Variants in DAB1 observed in about 807,000 individuals in gnomAD.
The protein encoded by DAB1 is disabled homolog 1.
Under a neutral mutation model 64.6 loss-of-function variants are expected in DAB1, and 15 were observed. The observed-to-expected ratio is 0.23, with a 90% confidence interval of 0.16 to 0.36. The LOEUF (loss-of-function observed/expected upper bound fraction) is 0.36, where lower values mean the gene tolerates loss of function less well. Among genes scored for constraint, DAB1 ranks in the 10% least tolerant of loss-of-function variants. The pLI is 1.00. For missense variants in DAB1, 596 were observed against 706.7 expected (o/e 0.84, Z 1.78); for synonymous variants, 235 against 251.9 (o/e 0.93, Z 0.64).
intron 5 of DAB1, among the ~76,000 whole-genome samples, chr1:58,125,845 T>A (rs114636174): frequency 0.018 from 2,713 of 152,116 alleles, 65 homozygotes; most frequent in African/African-American, 0.061. Context: ...ACCAGAAAGG[T>A]AAAGAAATAC....
chr1:57,320,334 T>C (rs1405043157), intron 1 of DAB1, among the ~76,000 whole-genome samples: 2 of 152,206 alleles, frequency 1.3e-5, no homozygotes, highest in Non-Finnish European at 2.9e-5. Flanking sequence ...TTTACAGCAG[T>C]GTGAAAACTG....
chr1:57,120,351 G>C (rs1160756917), intron 4 of DAB1, among the ~76,000 whole-genome samples: 1 of 152,170 alleles, frequency 6.6e-6, no homozygotes, highest in Non-Finnish European at 1.5e-5. Flanking sequence ...GTTTAGTACT[G>C]TGAACACACC....
At chr1:57,618,310 A>T (rs1645813827) in intron 7 of DAB1, among the ~76,000 whole-genome samples, 1 of 151,340 alleles carries the variant, frequency 6.6e-6, no homozygotes, top group African/African-American at 2.4e-5. Flanking sequence ...AGCTACTTGG[A>T]AGTCTGAGGC....
chr1:58,276,605 G>C (rs189152428), intron 4 of DAB1, among the ~76,000 whole-genome samples: 68 of 152,322 alleles, frequency 4.5e-4, no homozygotes, highest in African/African-American at 1.6e-3. Flanking sequence ...GGCTGATGAG[G>C]CTGGAGAGAG....
chr1:57,660,428 C>G (rs183417658), intron 6 of DAB1, among the ~76,000 whole-genome samples: 1 of 152,202 alleles, frequency 6.6e-6, no homozygotes, highest in East Asian at 1.9e-4. Context: ...ACCACTAGCA[C>G]TTACGGAACT....
chr1:57,813,072 T>G (rs565863347), intron 6 of DAB1, among the ~76,000 whole-genome samples: 9 of 152,228 alleles, frequency 5.9e-5, no homozygotes, highest in African/African-American at 2.4e-5. Flanking sequence ...AACATACGTA[T>G]GTATATCATA....
intron 3 of DAB1, among the ~76,000 whole-genome samples, chr1:58,485,228 T>TTAAAAAA (rs533975015): frequency 2.4e-5 from 1 of 42,036 alleles, no homozygotes; most frequent in Admixed American, 3.4e-4. Flanking sequence ...AGTCTACTAC[T>TTAAAAAA]AAAAAAAAAA....
intron 7 of DAB1, among the ~76,000 whole-genome samples, chr1:57,495,335 AC>A (rs1644217747): frequency 6.6e-6 from 1 of 152,194 alleles, no homozygotes; most frequent in Non-Finnish European, 1.5e-5. Context: ...TTTGTTTCCT[AC>A]TTAGTAAGAA....
intron 4 of DAB1, among the ~76,000 whole-genome samples, chr1:58,235,235 A>G (rs1485298538): frequency 6.6e-6 from 1 of 152,228 alleles, no homozygotes; most frequent in African/African-American, 2.4e-5. Flanking sequence ...AGGAAGTCTG[A>G]TTATTCTCAT....
chr1:57,606,190 G>GTCTTTTTTTT (rs1428158205), intron 7 of DAB1: 1 of 253,120 alleles, frequency 4.0e-6, no homozygotes, highest in Non-Finnish European at 7.9e-6. Flanking sequence ...TGTTTTTCCG[G>GTCTTTTTTTT]TATTTTTAAA....
chr1:57,032,953 A>T (rs1344977863), intron 9 of DAB1, among the ~76,000 whole-genome samples: 1 of 152,144 alleles, frequency 6.6e-6, no homozygotes, highest in South Asian at 2.1e-4. Context: ...CTACTATATC[A>T]TGTTATACTA....
chr1:58,233,897 A>G lies in DAB1; in HGVS notation n.310-83309T>C, dbSNP rs182651433. Reference sequence around the variant, plus strand: ...GTATGAACGCCTGAGTGAAAGAAAGACCTAAACTTAAATTATTCCAGAACG... The same window carrying G: ...GTATGAACGCCTGAGTGAAAGAAAGGCCTAAACTTAAATTATTCCAGAACG... On this transcript the variant is annotated intron_variant and non_coding_transcript_variant, in intron 4 of 20. Coordinates refer to the DAB1 transcript ENST00000485760. Among the ~76,000 whole-genome samples, 57 of 152,290 alleles carry G rather than the reference A, an allele frequency of 3.7e-4. 2 individuals carry two copies. The East Asian group carries it at 0.011, about 29-fold the overall frequency.
chr1:57,537,965 T>C (rs1212770988), intron 7 of DAB1, among the ~76,000 whole-genome samples: 1 of 152,090 alleles, frequency 6.6e-6, no homozygotes, highest in South Asian at 2.1e-4. Flanking sequence ...AGGCTTTTTT[T>C]AACAACCAGC....
chr1:57,355,823 C>T (rs1426932231), intron 1 of DAB1, among the ~76,000 whole-genome samples: 2 of 143,802 alleles, frequency 1.4e-5, no homozygotes, highest in East Asian at 4.0e-4. Flanking sequence ...AAATAATAGG[C>T]TTTAAGCAGA....
intron 4 of DAB1, among the ~76,000 whole-genome samples, chr1:58,326,925 C>T (rs1047051853): frequency 2.0e-5 from 3 of 152,162 alleles, no homozygotes; most frequent in Non-Finnish European, 2.9e-5. Flanking sequence ...TTTTAAAGTA[C>T]TAAATTATGT....
intron 11 of DAB1, among the ~76,000 whole-genome samples, chr1:57,019,253 T>G (rs1646535846): frequency 6.6e-6 from 1 of 152,186 alleles, no homozygotes; most frequent in Non-Finnish European, 1.5e-5. Flanking sequence ...GTCAATACAT[T>G]CACTGCATTT....
At chr1:58,291,648 G>A (rs570697260) in intron 4 of DAB1, among the ~76,000 whole-genome samples, 3 of 152,306 alleles carry the variant, frequency 2.0e-5, no homozygotes, top group Admixed American at 6.5e-5. Flanking sequence ...TGTTTACTAT[G>A]TGGCAAGTGC....
Position 58,381,448 on chromosome 1 carries a change from C to T in DAB1, n.258-38045G>A, listed in dbSNP as rs80104497. ...CAGGGGAATAACAATAATTAATACACGTTAAAGGCCTGTTTGGCTGCTATA... is the reference window on the plus strand; with the variant it reads ...CAGGGGAATAACAATAATTAATACATGTTAAAGGCCTGTTTGGCTGCTATA... On this transcript the variant is annotated intron_variant and non_coding_transcript_variant, in intron 3 of 20. Coordinates refer to the DAB1 transcript ENST00000485760. Among the ~76,000 whole-genome samples the T allele has an allele frequency of 1.5e-3, 231 of 152,184 alleles. 7 individuals are homozygous for T. In the East Asian group the frequency reaches 0.031, roughly 21 times the overall value.
At chr1:57,118,814 T>C (rs1398399159) in intron 4 of DAB1, among the ~76,000 whole-genome samples, 2 of 152,200 alleles carry the variant, frequency 1.3e-5, no homozygotes, top group African/African-American at 4.8e-5. Context: ...ACCTGTGATT[T>C]TACACTATAA....
Sources: gnomAD v4.1 joint callset for allele counts (sites outside exome capture counted in the v4.1 genomes callset) on GRCh38, gnomAD v4.1.1 for gene constraint, MANE v1.5 for transcripts, NCBI Gene and HGNC (gene_info 2026-07-23, HGNC 2026-07-21) for gene names.